ALAS2: variants seen among roughly 807,000 people sequenced by gnomAD.
The protein encoded by ALAS2 is 5-aminolevulinate synthase, erythroid-specific, mitochondrial.
A neutral mutation model predicts 33.7 loss-of-function variants in ALAS2; 3 were observed. That is an observed-to-expected ratio of 0.09 (90% CI 0.04 to 0.23). The LOEUF (loss-of-function observed/expected upper bound fraction) is 0.23. Ranked by LOEUF, ALAS2 falls within the 10% of genes least tolerant of loss-of-function variation. ALAS2 has a pLI of 1.00. For missense variants in ALAS2, 304 were observed against 475.1 expected, an observed-to-expected ratio of 0.64 and a Z score of 3.35; for synonymous variants, 191 against 177.3, an observed-to-expected ratio of 1.08 and a Z score of -0.61.
Position 55,025,891 on chromosome X carries a change from C to T in ALAS2, c.110G>A (p.Arg37His), listed in dbSNP as rs756790340. 6 of 1,209,487 alleles carry T rather than the reference C, an allele frequency of 5.0e-6. No individual in the cohort carries two copies. The highest frequency in any genetic ancestry group is 5.9e-5 in the East Asian group (2 of 33,738). ...KTHQFLFGIG[R>H]CPILATQGPN... ...TCCTTGGGTAGCCAGGATGGGACAG[C>T]GTCCAATACCAAACAGGAACTGGTG... Residue 37 changes from arginine (R) to histidine (H), a missense_variant, in exon 2 of 11, where the codon CGC becomes CAC. Arg to His is a conservative substitution (Grantham distance 29). Around this residue, in one of 3 missense-constraint regions of ALAS2, gnomAD observed 71 missense variants for 82.8 expected, o/e 0.86. Coordinates refer to ENST00000650242, the MANE Select transcript of ALAS2 (RefSeq NM_000032.5).
At chrX:55,014,223 A>G (rs1405618627) in intron 9 of ALAS2, among the ~76,000 whole-genome samples, 1 of 111,901 alleles carries the variant, frequency 8.9e-6, no homozygotes, top group African/African-American at 3.3e-5. Context: ...AGTAGCAGCT[A>G]ATCCTATGGC....
chrX:55,022,746 A>G (rs1422926758), intron 4 of ALAS2, among the ~76,000 whole-genome samples: 1 of 111,832 alleles, frequency 8.9e-6, no homozygotes. Flanking sequence ...TTTGTAATAG[A>G]AAAAATTGGA....
At chrX:55,019,368 G>A (rs1763686677) in intron 6 of ALAS2, among the ~76,000 whole-genome samples, 1 of 111,433 alleles carries the variant, frequency 9.0e-6, no homozygotes, top group Admixed American at 9.5e-5. Flanking sequence ...GACATTTGAA[G>A]ATGCTTATGA....
intron 8 of ALAS2, 124 bp downstream of exon 8, chrX:55,015,454 C>T: frequency 1.2e-6 from 1 of 804,651 alleles, no homozygotes; most frequent in Admixed American, 2.6e-5. Context: ...TCCAGGATGG[C>T]AGCAGCCTGG....
In ALAS2 at chrX:55,021,077, G is replaced by T; in HGVS notation, c.613C>A (p.His205Asn). 8.3e-7 allele frequency: 1 copy of T among 1,211,111 alleles called. No individual in the cohort carries two copies. The highest frequency in any genetic ancestry group is 1.1e-6 in the Non-Finnish European group (1 of 895,323). ...CSNDYLGMSRHPQVLQATQET... is the reference protein window; with the variant it reads ...CSNDYLGMSRNPQVLQATQET... ...TGTGTGGCTTGCAAGACCTGAGGGT[G>T]TCGGCTCATGCCCAGGTAATCATTA... The change falls in exon 5 of 11, where the codon CAC becomes AAC. Residue 205 changes from histidine (H) to asparagine (N), a missense_variant. Physicochemically the swap from His to Asn is moderately conservative, Grantham distance 68. This residue lies in a region of ALAS2 where 138 missense variants were observed against 265.3 expected (regional missense o/e 0.52). Coordinates refer to ENST00000650242, the MANE Select transcript of ALAS2 (RefSeq NM_000032.5).
At position 55,020,992 on chromosome X, in the gene ALAS2, T is replaced by C. The variant is rs186030106; in HGVS notation, c.638+60A>G. 2.7e-3 allele frequency: 2,922 copies of C among 1,072,609 alleles called. 2 individuals carry two copies. Among genetic ancestry groups the C allele is most frequent in the Non-Finnish European group, 3.4e-3 (2,683 of 780,441 alleles). The allele number at this position is 1,072,609 out of a possible 1,213,427, so 88.4% of individuals were successfully genotyped here. ...CTGCCAGCTCTGCCTTTTTTTTTTT[T>C]CCATGTGTGGTTTTTCATCTCCTCT... On this transcript the variant is annotated intron_variant, in intron 5 of 10. Coordinates refer to ENST00000650242, the MANE Select transcript of ALAS2 (RefSeq NM_000032.5).
intron 3 of ALAS2, among the ~76,000 whole-genome samples, chrX:55,024,465 A>C (rs1935856501): frequency 8.9e-6 from 1 of 111,925 alleles, no homozygotes; most frequent in African/African-American, 3.3e-5. Context: ...GAAAAAGAGG[A>C]GTCAAAATTC....
chrX:55,010,540 A>C (rs1415768244), intron 10 of ALAS2, among the ~76,000 whole-genome samples: 3 of 110,685 alleles, frequency 2.7e-5, no homozygotes, highest in Non-Finnish European at 5.7e-5. Context: ...TCAAATATAA[A>C]AGGAATACTC....
intron 1 of ALAS2, 65 bp from the exon 2 acceptor site, chrX:55,026,080 T>C: frequency 3.8e-6 from 4 of 1,053,533 alleles, no homozygotes; most frequent in Non-Finnish European, 5.2e-6. Flanking sequence ...AAGCCTTTGA[T>C]CCTCGTCTTC....
chrX:55,009,412 A>T, intron 10 of ALAS2, 69 bp from the exon 11 acceptor site: 1 of 1,038,447 alleles, frequency 9.6e-7, no homozygotes, highest in Non-Finnish European at 1.3e-6. Flanking sequence ...GTCACAGTAC[A>T]GATGAGCCAA....
intron 6 of ALAS2, among the ~76,000 whole-genome samples, chrX:55,019,798 G>A (rs962913668): frequency 2.1e-4 from 24 of 111,821 alleles, no homozygotes; most frequent in African/African-American, 6.2e-4. Flanking sequence ...TTGGTTTTAG[G>A]CAGAAGGAGA....
chrX:55,010,706 C>T (rs1935588007), intron 10 of ALAS2, among the ~76,000 whole-genome samples: 1 of 111,548 alleles, frequency 9.0e-6, no homozygotes, highest in Admixed American at 9.6e-5. Context: ...TCTCTGAACT[C>T]GCCCCTGGCC....
chrX:55,009,315 C>T lies in ALAS2; in HGVS notation c.1629G>A (p.Val543=), dbSNP rs377098886. Residue 543 remains valine, a synonymous_variant, in exon 11 of 11, where the codon GTG becomes GTA. Coordinates refer to ENST00000650242, the MANE Select transcript of ALAS2 (RefSeq NM_000032.5). ...CAGACACATCCTGGAGGGGCAGCCC[C>T]ACCGCAGTCCAAGCCAGCAGCAGCT... ...VEKLLLAWTA[V]GLPLQDVSVA... 1 of 1,203,435 alleles carries T rather than the reference C, an allele frequency of 8.3e-7. No individual in the cohort carries two copies. Among genetic ancestry groups the T allele is most frequent in the African/African-American group, 1.7e-5 (1 of 57,596 alleles).
chrX:55,019,999 G>A (rs1935773160), intron 6 of ALAS2, among the ~76,000 whole-genome samples: 1 of 111,379 alleles, frequency 9.0e-6, no homozygotes, highest in African/African-American at 3.3e-5. Flanking sequence ...AGGAGAAGAA[G>A]TTTGAAAAAG....
intron 1 of ALAS2, among the ~76,000 whole-genome samples, chrX:55,028,063 C>T (rs917494389): frequency 1.1e-4 from 12 of 111,648 alleles, no homozygotes; most frequent in Non-Finnish European, 2.1e-4. Context: ...AGCTGTCAAA[C>T]GTGAGGTAAT....
chrX:55,024,851 G>A lies in ALAS2; in HGVS notation c.182-11C>T, dbSNP rs766286590. ...CCCAAGATGGAGAATCTATGCAAAG[G>A]TAAGAGAGTAATTTGGGGTGCATTT... On this transcript the variant is annotated splice_polypyrimidine_tract_variant and intron_variant, in intron 2 of 10. Transcript: ENST00000650242. The A allele has an allele frequency of 8.3e-7, 1 of 1,209,419 alleles. No homozygotes were observed. The highest frequency in any genetic ancestry group is 3.0e-5 in the East Asian group (1 of 33,742).
chrX:55,019,155 A>G (rs946246464), intron 6 of ALAS2, among the ~76,000 whole-genome samples: 2 of 111,004 alleles, frequency 1.8e-5, no homozygotes, highest in Non-Finnish European at 3.8e-5. Flanking sequence ...GGTTGAGGCA[A>G]TGTTTTTTTA....
At chrX:55,023,066 T>C (rs1424956063) in intron 4 of ALAS2, among the ~76,000 whole-genome samples, 1 of 111,672 alleles carries the variant, frequency 9.0e-6, no homozygotes, top group Non-Finnish European at 1.9e-5. Context: ...CTTGATTAAC[T>C]GAATGATATT....
At chrX:55,024,087 C>T (rs1294639923) in intron 3 of ALAS2, among the ~76,000 whole-genome samples, 1 of 112,123 alleles carries the variant, frequency 8.9e-6, no homozygotes. Context: ...GTGAATCATA[C>T]TTCTCTCCAC....
Sources: gnomAD v4.1 joint callset for allele counts (sites outside exome capture counted in the v4.1 genomes callset) on GRCh38, gnomAD v4.1.1 for gene constraint, gnomAD v4.1.1 regional missense constraint, MANE v1.5 for transcripts, NCBI Gene and HGNC (gene_info 2026-07-23, HGNC 2026-07-21) for gene names.